Variants in RBFOX3 observed in about 807,000 individuals in gnomAD.
The protein encoded by RBFOX3 is RNA binding fox-1 homolog 3.
A neutral mutation model predicts 48.7 loss-of-function variants in RBFOX3; 17 were observed. That is an observed-to-expected ratio of 0.35 (90% CI 0.24 to 0.52). RBFOX3 has a LOEUF of 0.52. Among genes scored for constraint, RBFOX3 ranks in the 20% least tolerant of loss-of-function variants. The pLI is 0.94. For synonymous variants in RBFOX3, 212 were observed against 209.5 expected, an observed-to-expected ratio of 1.01 and a Z score of -0.10; for missense variants, 382 against 497.5, an observed-to-expected ratio of 0.77 and a Z score of 2.21.
intron 2 of RBFOX3, among the ~76,000 whole-genome samples, chr17:79,321,047 A>G (rs1001832607): frequency 1.3e-5 from 2 of 152,214 alleles, no homozygotes; most frequent in African/African-American, 2.4e-5. Flanking sequence ...AGCAGATCCT[A>G]GAGGCCCCCG....
At chr17:79,259,730 AG>A (rs1310019357) in intron 3 of RBFOX3, among the ~76,000 whole-genome samples, 1 of 152,084 alleles carries the variant, frequency 6.6e-6, no homozygotes, top group African/African-American at 2.4e-5. Context: ...CAGGAGACGC[AG>A]GGACAGGCTC....
chr17:79,472,161 G>A (rs1598844510), intron 2 of RBFOX3, among the ~76,000 whole-genome samples: 2 of 152,320 alleles, frequency 1.3e-5, no homozygotes, highest in South Asian at 4.1e-4. Flanking sequence ...CCATCCCAGA[G>A]AGCAGCTCCC....
rs116095325 is a variant in RBFOX3, at chr17:79,345,347, T to C, written c.-174-37523A>G. On this transcript the variant is annotated intron_variant, in intron 2 of 14. Coordinates refer to ENST00000693108, the MANE Select transcript of RBFOX3 (RefSeq NM_001350451.2). Reference sequence around the variant, plus strand: ...TCATTACTGAGATTGGTAATTTGTCTTTTGTTTATCCTTGTTGGTCTTGCT... The same window carrying C: ...TCATTACTGAGATTGGTAATTTGTCCTTTGTTTATCCTTGTTGGTCTTGCT... 3.6e-3 allele frequency among the ~76,000 whole-genome samples: 554 copies of C among 152,368 alleles called. 1 individual carries two copies. The highest frequency in any genetic ancestry group is 0.013 in the African/African-American group (520 of 41,584).
chr17:79,545,143 G>T (rs539460579), intron 1 of RBFOX3, among the ~76,000 whole-genome samples: 128 of 152,288 alleles, frequency 8.4e-4, no homozygotes, highest in African/African-American at 3.0e-3. Context: ...GAGCATCTTT[G>T]ATATGGCTTA....
At chr17:79,264,287 G>C (rs948578644) in intron 3 of RBFOX3, among the ~76,000 whole-genome samples, 1 of 151,852 alleles carries the variant, frequency 6.6e-6, no homozygotes, top group Non-Finnish European at 1.5e-5. Context: ...TGTTGACCAG[G>C]CTGGTCTCGA....
intron 5 of RBFOX3, among the ~76,000 whole-genome samples, chr17:79,113,639 T>C (rs368125369): frequency 1.7e-4 from 26 of 152,294 alleles, no homozygotes; most frequent in African/African-American, 5.8e-4. Context: ...TGGAGAGTAC[T>C]TCATTGGATG....
chr17:79,247,034 A>T (rs2063274830), intron 3 of RBFOX3, among the ~76,000 whole-genome samples: 1 of 152,146 alleles, frequency 6.6e-6, no homozygotes, highest in Admixed American at 6.5e-5. Context: ...GCAAAATCTC[A>T]TTTCCTGAGC....
intron 4 of RBFOX3, among the ~76,000 whole-genome samples, chr17:79,175,884 C>CGGCCCGAA (rs1568285192): frequency 1.3e-5 from 2 of 152,240 alleles, no homozygotes. Flanking sequence ...ACAGACGCCC[C>CGGCCCGAA]GGCTGGAAGG....
intron 3 of RBFOX3, among the ~76,000 whole-genome samples, chr17:79,247,066 T>G (rs2063278012): frequency 6.6e-6 from 1 of 152,194 alleles, no homozygotes; most frequent in South Asian, 2.1e-4. Flanking sequence ...GAAACCAACC[T>G]ATTCATTCCT....
At chr17:79,636,104 T>C in the RBFOX3 span, among the ~76,000 whole-genome samples, 2 of 152,248 alleles carry the variant, frequency 1.3e-5, no homozygotes, top group South Asian at 4.1e-4. Context: ...AAGGTGGACA[T>C]ACAATGCATA....
At chr17:79,619,543 G>A in the RBFOX3 span, among the ~76,000 whole-genome samples, 1 of 152,186 alleles carries the variant, frequency 6.6e-6, no homozygotes, top group Non-Finnish European at 1.5e-5. Context: ...TGGACTTAGG[G>A]CCACCCTGAT....
chr17:79,090,719 T>A lies in RBFOX3; in HGVS notation c.*164A>T. On this transcript the variant is annotated 3_prime_UTR_variant, in exon 15 of 15. Transcript: ENST00000693108. ...GGCGTGCTCCCTCGGTGCGGGCGTG[T>A]GGCCAGGACGCGGGACTTGGACTTG... 1.1e-6 allele frequency: 1 copy of A among 878,192 alleles called. No individual in the cohort carries two copies. Among genetic ancestry groups the A allele is most frequent in the Middle Eastern group, 3.4e-4 (1 of 2,954 alleles). The allele number at this position is 878,192 out of a possible 1,614,324, so 54.4% of individuals were successfully genotyped here. A position where few individuals can be genotyped will look rare whatever the true frequency, so the allele number is the denominator to read the frequency against.
chr17:79,169,370 G>A (rs529815295), intron 4 of RBFOX3, among the ~76,000 whole-genome samples: 5 of 152,222 alleles, frequency 3.3e-5, no homozygotes, highest in South Asian at 2.1e-4. Context: ...TGGGCTGTGC[G>A]GTGGGCAGTC....
chr17:79,250,509 CGAT>C lies in RBFOX3; in HGVS notation c.-73-14707_-73-14705del, dbSNP rs1567917258. Among the ~76,000 whole-genome samples the C allele has an allele frequency of 7.2e-3, 1,095 of 152,236 alleles. 9 individuals are homozygous for C. The highest frequency in any genetic ancestry group is 0.025 in the African/African-American group (1,049 of 41,540). ...TCCTGATGAGGGCGCTTAAATGAGCCGATCACTCGGCGTGGGCAGGAGCACCAT... is the reference window on the plus strand; with the variant it reads ...TCCTGATGAGGGCGCTTAAATGAGCCCACTCGGCGTGGGCAGGAGCACCAT... On this transcript the variant is annotated intron_variant, in intron 3 of 14. Coordinates refer to ENST00000693108, the MANE Select transcript of RBFOX3 (RefSeq NM_001350451.2).
chr17:79,329,019 T>C (rs1361595369), intron 2 of RBFOX3, among the ~76,000 whole-genome samples: 1 of 151,794 alleles, frequency 6.6e-6, no homozygotes, highest in Admixed American at 6.6e-5. Flanking sequence ...AAGTAAAGAA[T>C]AAAAATGCAA....
rs989097691 is a variant in RBFOX3, at chr17:79,103,313, GGAGGAAGAC to G, written c.415-68_415-60del. On this transcript the variant is annotated intron_variant, in intron 7 of 14. Coordinates refer to ENST00000693108, the MANE Select transcript of RBFOX3 (RefSeq NM_001350451.2). The surrounding 1 kb of genome is among the most constrained non-coding windows in gnomAD (Gnocchi z 6.1). ...AGAGGAGGACACAGGGCGAGAAAGA[GGAGGAAGAC>G]GAGGAAGAAGAGGAGTGGGAGGGGG... 1.2e-5 allele frequency: 15 copies of G among 1,202,652 alleles called. No individual in the cohort carries two copies. The highest frequency in any genetic ancestry group is 3.0e-5 in the African/African-American group (2 of 66,090). The allele number at this position is 1,202,652 out of a possible 1,614,324, so 74.5% of individuals were successfully genotyped here.
intron 4 of RBFOX3, among the ~76,000 whole-genome samples, chr17:79,155,503 T>C (rs1027562022): frequency 6.6e-6 from 1 of 152,252 alleles, no homozygotes; most frequent in Non-Finnish European, 1.5e-5. Context: ...TTGTCTGCAT[T>C]CAGCCGACTT....
intron 2 of RBFOX3, among the ~76,000 whole-genome samples, chr17:79,308,930 C>G (rs969479889): frequency 1.3e-5 from 2 of 151,990 alleles, no homozygotes; most frequent in Non-Finnish European, 1.5e-5. Context: ...ACCAGTCTGA[C>G]GAACATGGTG....
the RBFOX3 span, among the ~76,000 whole-genome samples, chr17:79,627,333 C>T: frequency 6.6e-6 from 1 of 152,198 alleles, no homozygotes; most frequent in East Asian, 1.9e-4. Flanking sequence ...CAACCAGGCC[C>T]CATGGCACCT....
Sources: allele counts gnomAD v4.1 joint callset (sites outside exome capture counted in the v4.1 genomes callset), GRCh38; gene constraint gnomAD v4.1.1; non-coding constraint Gnocchi (gnomAD v3.1); transcripts MANE v1.5; gene names NCBI Gene and HGNC (gene_info 2026-07-23, HGNC 2026-07-21).